Variants in ROR1 observed in about 807,000 individuals in gnomAD.
The protein encoded by ROR1 is ROR family WNT receptor 1, also known as inactive tyrosine-protein kinase transmembrane receptor ROR1.
In ROR1, 19 loss-of-function variants were observed where a neutral mutation model predicts 78.8. That is an observed-to-expected ratio of 0.24 (90% CI 0.17 to 0.35). The LOEUF is 0.35. ROR1 is among the 10% of genes least tolerant of loss of function. The probability of loss-of-function intolerance (pLI) is 1.00; values close to 1 mark genes in which losing one functional copy is unlikely to be tolerated. For missense variants in ROR1, 917 were observed against 1,177.8 expected (o/e 0.78, Z 3.24); for synonymous variants, 386 against 433.6 (o/e 0.89, Z 1.36).
chr1:64,041,476 G>A (rs1236287460), intron 2 of ROR1, among the ~76,000 whole-genome samples: 1 of 152,202 alleles, frequency 6.6e-6, no homozygotes, highest in Admixed American at 6.5e-5. Context: ...GTAGCAAAGT[G>A]CAAGTTTTCT....
intron 1 of ROR1, among the ~76,000 whole-genome samples, chr1:63,971,785 C>A (rs1205623667): frequency 6.6e-6 from 1 of 152,132 alleles, no homozygotes; most frequent in Non-Finnish European, 1.5e-5. Flanking sequence ...CTTTTATCTA[C>A]CTGATGGGTA....
chr1:64,021,602 T>C (rs1213808900), intron 2 of ROR1, among the ~76,000 whole-genome samples: 1 of 152,190 alleles, frequency 6.6e-6, no homozygotes, highest in Admixed American at 6.5e-5. Context: ...AGCTAGTAAA[T>C]GGCAGAGCCA....
intron 4 of ROR1, among the ~76,000 whole-genome samples, chr1:64,053,536 G>A (rs992207496): frequency 5.9e-5 from 9 of 152,066 alleles, no homozygotes; most frequent in Non-Finnish European, 1.5e-5. Flanking sequence ...TAGGACCTGG[G>A]GCATGAGTAC....
intron 4 of ROR1, among the ~76,000 whole-genome samples, chr1:64,121,677 T>A (rs1367506433): frequency 3.3e-5 from 5 of 152,128 alleles, no homozygotes; most frequent in Admixed American, 2.6e-4. Flanking sequence ...TGTTTTTATA[T>A]TATCCACAGA....
At chr1:64,036,344 C>T (rs1226602122) in intron 2 of ROR1, among the ~76,000 whole-genome samples, 1 of 152,172 alleles carries the variant, frequency 6.6e-6, no homozygotes, top group Admixed American at 6.5e-5. Flanking sequence ...CCTCAACAAA[C>T]TCACAGTGTG....
rs1650481913 is a variant in ROR1, at chr1:64,179,087, G to T, written c.*232G>T. ...ATTGTGGGATGTGCACTCCATTGGAGTGCATGACATGGCATTGGGATTGGA... is the reference window on the plus strand; with the variant it reads ...ATTGTGGGATGTGCACTCCATTGGATTGCATGACATGGCATTGGGATTGGA... On this transcript the variant is annotated 3_prime_UTR_variant, in exon 9 of 9. Coordinates refer to ENST00000371079, the MANE Select transcript of ROR1 (RefSeq NM_005012.4). The T allele has an allele frequency of 2.3e-6, 1 of 430,336 alleles. No individual in the cohort carries two copies. Among genetic ancestry groups the T allele is most frequent in the Admixed American group, 4.1e-5 (1 of 24,174 alleles). 26.7% of individuals were successfully genotyped at this position (430,336 alleles called of 1,614,324 possible).
intron 7 of ROR1, among the ~76,000 whole-genome samples, chr1:64,144,568 C>A (rs926235655): frequency 2.6e-5 from 4 of 152,180 alleles, no homozygotes; most frequent in Non-Finnish European, 5.9e-5. Flanking sequence ...ATGTGAGACA[C>A]CTTACCTCTG....
chr1:64,148,643 A>G (rs1330404902), intron 7 of ROR1, among the ~76,000 whole-genome samples: 1 of 152,250 alleles, frequency 6.6e-6, no homozygotes, highest in African/African-American at 2.4e-5. Context: ...AAGGCGCTTG[A>G]GAACAGTCTG....
chr1:64,178,412 T>A lies in ROR1; in HGVS notation c.2371T>A (p.Phe791Ile), dbSNP rs781386495. Reference sequence around the variant, plus strand: ...TAACCCCAGATATCCTAATTACATGTTCCCGAGCCAGGGTATTACACCACA... The same window carrying A: ...TAACCCCAGATATCCTAATTACATGATCCCGAGCCAGGGTATTACACCACA... ...LSNPRYPNYMFPSQGITPQGQ... is the reference protein window; with the variant it reads ...LSNPRYPNYMIPSQGITPQGQ... The change falls in exon 9 of 9, where the codon TTC becomes ATC. Residue 791 changes from phenylalanine to isoleucine, a missense_variant. Physicochemically the swap from Phe to Ile is conservative, Grantham distance 21. Transcript: ENST00000371079. The surrounding 1 kb of genome is among the most constrained non-coding windows in gnomAD (Gnocchi z 4.3). The A allele has an allele frequency of 1.3e-5, 21 of 1,614,082 alleles. No individual in the cohort carries two copies. The South Asian group carries it at 2.1e-4, about 16-fold the overall frequency.
chr1:64,014,441 A>G (rs1379572463), intron 2 of ROR1, among the ~76,000 whole-genome samples: 1 of 151,778 alleles, frequency 6.6e-6, no homozygotes, highest in Non-Finnish European at 1.5e-5. Context: ...CTTCAGAACC[A>G]AATACTGCCT....
chr1:63,816,066 A>AT (rs1553134093), intron 1 of ROR1, among the ~76,000 whole-genome samples: 1 of 152,198 alleles, frequency 6.6e-6, no homozygotes, highest in Non-Finnish European at 1.5e-5. Context: ...TTTATTCATT[A>AT]TTTTAACAGC....
At chr1:63,853,255 AGT>A (rs1415867015) in intron 1 of ROR1, among the ~76,000 whole-genome samples, 2 of 152,184 alleles carry the variant, frequency 1.3e-5, no homozygotes, top group Non-Finnish European at 2.9e-5. Flanking sequence ...TATATCAGCT[AGT>A]TCATTCTCAA....
At chr1:64,076,267 C>G (rs997962901) in intron 4 of ROR1, among the ~76,000 whole-genome samples, 1 of 152,176 alleles carries the variant, frequency 6.6e-6, no homozygotes, top group Non-Finnish European at 1.5e-5. Flanking sequence ...CTGTACACAC[C>G]TGGAGTCACC....
At chr1:64,104,509 G>A (rs1230245785) in intron 4 of ROR1, among the ~76,000 whole-genome samples, 1 of 150,594 alleles carries the variant, frequency 6.6e-6, no homozygotes, top group Non-Finnish European at 1.5e-5. Flanking sequence ...TTTACTTTAA[G>A]TTCCGGGATA....
chr1:64,033,408 A>G (rs187314175), intron 2 of ROR1, among the ~76,000 whole-genome samples: 2 of 152,312 alleles, frequency 1.3e-5, no homozygotes, highest in African/African-American at 4.8e-5. Context: ...CTGACAAGTA[A>G]CAGAGTGGTA....
chr1:63,818,725 G>A (rs1376335980), intron 1 of ROR1, among the ~76,000 whole-genome samples: 1 of 152,170 alleles, frequency 6.6e-6, no homozygotes, highest in African/African-American at 2.4e-5. Flanking sequence ...ATTATAATGA[G>A]GCTGATGGTG....
intron 7 of ROR1, among the ~76,000 whole-genome samples, chr1:64,147,538 T>A (rs981732777): frequency 6.6e-6 from 1 of 152,172 alleles, no homozygotes; most frequent in South Asian, 2.1e-4. Flanking sequence ...TAGGTCAGCA[T>A]CAGCTGTGCT....
At chr1:64,020,133 A>G (rs1469152041) in intron 2 of ROR1, among the ~76,000 whole-genome samples, 1 of 151,924 alleles carries the variant, frequency 6.6e-6, no homozygotes, top group African/African-American at 2.4e-5. Flanking sequence ...TGGATTTTGT[A>G]CTTCTAGCCT....
At chr1:63,847,191 G>A (rs146530852) in intron 1 of ROR1, among the ~76,000 whole-genome samples, 2 of 152,296 alleles carry the variant, frequency 1.3e-5, no homozygotes, top group Admixed American at 6.5e-5. Flanking sequence ...CTGGCTCCGT[G>A]CCTTGGTGTT....
Sources: allele counts gnomAD v4.1 joint callset (sites outside exome capture counted in the v4.1 genomes callset), GRCh38; gene constraint gnomAD v4.1.1; non-coding constraint Gnocchi (gnomAD v3.1); transcripts MANE v1.5; gene names NCBI Gene and HGNC (gene_info 2026-07-23, HGNC 2026-07-21).